Variants in ST3GAL1 observed in about 807,000 individuals in gnomAD.
The protein encoded by ST3GAL1 is CMP-N-acetylneuraminate-beta-galactosamide-alpha-2,3-sialyltransferase 1.
Under a neutral mutation model 34.1 loss-of-function variants are expected in ST3GAL1, and 16 were observed. The observed-to-expected ratio is 0.47, with a 90% CI of 0.32 to 0.71. ST3GAL1 has a LOEUF of 0.71. Among genes scored for constraint, ST3GAL1 ranks in the 30% least tolerant of loss-of-function variants. ST3GAL1 has a pLI of 0.04. For synonymous variants in ST3GAL1, 191 were observed against 184.7 expected, an observed-to-expected ratio of 1.03 and a Z score of -0.28; for missense variants, 353 against 447.4, an observed-to-expected ratio of 0.79 and a Z score of 1.90.
At chr8:133,560,960 G>A (rs1295003450) in intron 1 of ST3GAL1, among the ~76,000 whole-genome samples, 1 of 152,132 alleles carries the variant, frequency 6.6e-6, no homozygotes, top group Non-Finnish European at 1.5e-5. Context: ...ATTCTAATGA[G>A]GGGAAGTAGG....
intron 2 of ST3GAL1, among the ~76,000 whole-genome samples, chr8:133,518,359 AGCTG>A (rs1817704859): frequency 6.6e-6 from 1 of 152,252 alleles, no homozygotes; most frequent in Non-Finnish European, 1.5e-5. Flanking sequence ...TCTCTGCTGC[AGCTG>A]CAGCCTCCTG....
At chr8:133,526,437 G>T (rs541253981) in intron 2 of ST3GAL1, among the ~76,000 whole-genome samples, 2 of 152,160 alleles carry the variant, frequency 1.3e-5, no homozygotes, top group Non-Finnish European at 2.9e-5. Context: ...CCTCATGAAG[G>T]GTTTTGTCTA....
chr8:133,526,829 T>A (rs1817989479), intron 2 of ST3GAL1, among the ~76,000 whole-genome samples: 1 of 151,606 alleles, frequency 6.6e-6, no homozygotes, highest in Non-Finnish European at 1.5e-5. Flanking sequence ...TGGGGCAGAG[T>A]GGGCGAGGGA....
At position 133,520,573 on chromosome 8, in the gene ST3GAL1, G is replaced by A. The variant is rs141629611; in HGVS notation, c.-428-21384C>T. ...TCAGCAGAAACATGAATCCCCTGCAGGGAAGCAGGGTCTCTGGCAGCCCAC... is the reference window on the plus strand; with the variant it reads ...TCAGCAGAAACATGAATCCCCTGCAAGGAAGCAGGGTCTCTGGCAGCCCAC... On this transcript the variant is annotated intron_variant, in intron 2 of 9. Transcript: ENST00000522652. Among the ~76,000 whole-genome samples the A allele has an allele frequency of 6.0e-3, 914 of 152,224 alleles. 12 individuals carry two copies. The highest frequency in any genetic ancestry group is 0.021 in the African/African-American group (868 of 41,526).
chr8:133,551,609 A>AGAAAGAAG (rs1563739226), intron 1 of ST3GAL1, among the ~76,000 whole-genome samples: 2 of 138,852 alleles, frequency 1.4e-5, no homozygotes, highest in African/African-American at 5.4e-5. Context: ...AAAGAAAGAA[A>AGAAAGAAG]GAAAGAAAGA....
At chr8:133,492,548 C>A (rs1216170333) in intron 3 of ST3GAL1, among the ~76,000 whole-genome samples, 1 of 152,108 alleles carries the variant, frequency 6.6e-6, no homozygotes, top group Non-Finnish European at 1.5e-5. Context: ...ATGGTGAAAC[C>A]CTGTCTTTAC....
Position 133,541,112 on chromosome 8 carries a change from T to TAGAGAGAGAGAG in ST3GAL1, c.-429+4661_-429+4662insCTCTCTCTCTCT, listed in dbSNP as rs1438213053. On this transcript the variant is annotated intron_variant, in intron 2 of 9. Coordinates refer to ENST00000522652, the MANE Select transcript of ST3GAL1 (RefSeq NM_173344.3). ...ATATATAAACATATATATATATATA[T>TAGAGAGAGAGAG]ATATATATAGAGAGAGAGAGAGAGA... is the stretch of plus-strand genomic sequence containing the variant. 1.8e-3 allele frequency among the ~76,000 whole-genome samples: 74 copies of TAGAGAGAGAGAG among 40,706 alleles called. 3 individuals carry two copies. Among genetic ancestry groups the TAGAGAGAGAGAG allele is most frequent in the East Asian group, 8.3e-3 (19 of 2,296 alleles). The allele number at this position is 40,706 out of a possible 152,430, so 26.7% of individuals were successfully genotyped here.
chr8:133,562,794 T>TTCC (rs1819269516), intron 1 of ST3GAL1, among the ~76,000 whole-genome samples: 3 of 108,602 alleles, frequency 2.8e-5, no homozygotes, highest in South Asian at 3.2e-4. Flanking sequence ...TCTTTCTTTC[T>TTCC]TTCCTTCCTT....
chr8:133,464,362 C>G (rs1424633620), intron 7 of ST3GAL1, among the ~76,000 whole-genome samples: 1 of 152,162 alleles, frequency 6.6e-6, no homozygotes, highest in Non-Finnish European at 1.5e-5. Flanking sequence ...CAGGCTGCAC[C>G]TGCACTCCCC....
intron 3 of ST3GAL1, among the ~76,000 whole-genome samples, chr8:133,497,597 C>T (rs1256334925): frequency 6.6e-6 from 1 of 151,244 alleles, no homozygotes; most frequent in South Asian, 2.1e-4. Flanking sequence ...CTCAGCCTCC[C>T]GAGTAGCTGG....
chr8:133,492,574 T>C (rs1474488890), intron 3 of ST3GAL1, among the ~76,000 whole-genome samples: 1 of 152,086 alleles, frequency 6.6e-6, no homozygotes, highest in African/African-American at 2.4e-5. Context: ...ATACAAAAAT[T>C]ATCTGGGCGT....
intron 1 of ST3GAL1, among the ~76,000 whole-genome samples, chr8:133,562,369 C>T (rs1819252113): frequency 6.6e-6 from 1 of 151,830 alleles, no homozygotes; most frequent in African/African-American, 2.4e-5. Context: ...ACCATCATGT[C>T]CAGATAATTT....
chr8:133,478,038 G>T (rs1816243649), intron 3 of ST3GAL1, among the ~76,000 whole-genome samples: 2 of 152,132 alleles, frequency 1.3e-5, no homozygotes, highest in African/African-American at 2.4e-5. Context: ...GGAGGACAAG[G>T]TCTGAGCTCT....
At chr8:133,548,579 G>C (rs1818737850) in intron 1 of ST3GAL1, among the ~76,000 whole-genome samples, 1 of 152,214 alleles carries the variant, frequency 6.6e-6, no homozygotes, top group Non-Finnish European at 1.5e-5. Context: ...TCTTGAATGA[G>C]AGGGTGACCA....
intron 2 of ST3GAL1, among the ~76,000 whole-genome samples, chr8:133,527,446 C>T (rs1818011974): frequency 6.6e-6 from 1 of 152,156 alleles, no homozygotes; most frequent in Non-Finnish European, 1.5e-5. Flanking sequence ...TGCATGTCAG[C>T]TTAGAATAAT....
chr8:133,503,239 C>T (rs1042338389), intron 2 of ST3GAL1, among the ~76,000 whole-genome samples: 1 of 82,006 alleles, frequency 1.2e-5, no homozygotes, highest in African/African-American at 4.4e-5. Context: ...TATTCTAACG[C>T]CCCCCAACAA....
At position 133,457,564 on chromosome 8, in the gene ST3GAL1, T is replaced by C. The variant is rs1477596364; in HGVS notation, c.*2200A>G. 1 of 152,212 alleles carries C rather than the reference T, an allele frequency of 6.6e-6. No homozygotes were observed. The highest frequency in any genetic ancestry group is 1.5e-5 in the Non-Finnish European group (1 of 68,040). The allele number at this position is 152,212 out of a possible 1,614,324, so 9.4% of individuals were successfully genotyped here. On this transcript the variant is annotated 3_prime_UTR_variant, in exon 10 of 10. Coordinates refer to ENST00000522652, the MANE Select transcript of ST3GAL1 (RefSeq NM_173344.3). ...ATGATGACTCAGTGATTTACCAGCC[T>C]TTCTCAGAAAAAAGAAAAGTCTTTA...
intron 1 of ST3GAL1, among the ~76,000 whole-genome samples, chr8:133,567,955 C>T (rs1407522998): frequency 6.7e-6 from 1 of 148,674 alleles, no homozygotes; most frequent in Non-Finnish European, 1.5e-5. Context: ...CAGTCTCACT[C>T]TGTCGCCGAG....
At chr8:133,551,229 G>A (rs780783937) in intron 1 of ST3GAL1, among the ~76,000 whole-genome samples, 45 of 152,190 alleles carry the variant, frequency 3.0e-4, no homozygotes, top group Non-Finnish European at 4.0e-4. Context: ...CAACACTTTG[G>A]GAGACCGAGG....
Sources: allele counts gnomAD v4.1 joint callset (sites outside exome capture counted in the v4.1 genomes callset), GRCh38; gene constraint gnomAD v4.1.1; transcripts MANE v1.5; gene names NCBI Gene and HGNC (gene_info 2026-07-23, HGNC 2026-07-21).